MAST4: variants seen among roughly 807,000 people sequenced by gnomAD.
MAST4 encodes the protein microtubule associated serine/threonine kinase family member 4, also known as microtubule-associated serine/threonine-protein kinase 4.
In MAST4, 89 loss-of-function variants were observed where a neutral mutation model predicts 162.7. The observed-to-expected ratio is 0.55, with a 90% CI of 0.46 to 0.65. MAST4 has a LOEUF of 0.65. Among genes scored for constraint, MAST4 ranks in the 30% least tolerant of loss-of-function variants. The pLI is 0.00. For synonymous variants in MAST4, 1,479 were observed against 1,361.1 expected (o/e 1.09, Z -1.91); for missense variants, 3,153 against 3,374.0 (o/e 0.93, Z 1.62).
At chr5:66,859,019 CT>C (rs1759890285) in intron 3 of MAST4, among the ~76,000 whole-genome samples, 1 of 151,980 alleles carries the variant, frequency 6.6e-6, no homozygotes, top group Non-Finnish European at 1.5e-5. Flanking sequence ...TCTAAAATCT[CT>C]GAGCTCTTTT....
intron 2 of MAST4, among the ~76,000 whole-genome samples, chr5:66,761,331 A>G (rs978261180): frequency 1.3e-5 from 2 of 152,228 alleles, no homozygotes; most frequent in African/African-American, 4.8e-5. Context: ...CCAAATTAAG[A>G]TAAGTTAAAG....
intron 24 of MAST4, 28 bp downstream of exon 24, chr5:67,149,617 G>T (rs915228437): frequency 1.1e-5 from 17 of 1,602,924 alleles, no homozygotes; most frequent in African/African-American, 2.7e-5. Context: ...GCATGAAATT[G>T]TGTGATTTGT....
In MAST4 at chr5:66,747,941, G is replaced by A. The variant is rs547339885; in HGVS notation, c.364-11768G>A. Among the ~76,000 whole-genome samples the A allele has an allele frequency of 3.3e-4, 50 of 152,332 alleles. No individual in the cohort carries two copies. In the South Asian group the frequency reaches 9.8e-3, roughly 30 times the overall value. ...CTATGAGTTCAGAACTGCTGGTTTA[G>A]AGGGTAAGGTGAAATCTGGACCAAG... On this transcript the variant is annotated intron_variant, in intron 1 of 28. Transcript: ENST00000403625.
chr5:66,886,920 A>G (rs1580769838), intron 3 of MAST4, among the ~76,000 whole-genome samples: 1 of 151,992 alleles, frequency 6.6e-6, no homozygotes, highest in East Asian at 1.9e-4. Flanking sequence ...AGTCTTTCTG[A>G]TCCCAAAAAA....
intron 5 of MAST4, among the ~76,000 whole-genome samples, chr5:67,065,206 A>C (rs1410998987): frequency 6.6e-6 from 1 of 152,140 alleles, no homozygotes; most frequent in Non-Finnish European, 1.5e-5. Flanking sequence ...ATCAGTGACC[A>C]CCTAGAAAGT....
intron 3 of MAST4, among the ~76,000 whole-genome samples, chr5:66,838,669 G>A (rs182725371): frequency 1.3e-5 from 2 of 152,314 alleles, no homozygotes; most frequent in East Asian, 3.9e-4. Context: ...TCATGGAGGT[G>A]GAGATATTTC....
chr5:66,681,744 G>A (rs1748341721), intron 1 of MAST4, among the ~76,000 whole-genome samples: 1 of 152,198 alleles, frequency 6.6e-6, no homozygotes, highest in African/African-American at 2.4e-5. Flanking sequence ...CTATGATGGG[G>A]ATAGTGCAGT....
chr5:67,118,782 G>A, intron 13 of MAST4, 33 bp downstream of exon 13: 2 of 1,321,048 alleles, frequency 1.5e-6, no homozygotes, highest in Non-Finnish European at 2.1e-6. Flanking sequence ...TATGATGTTG[G>A]TTTTTCTGTT....
At chr5:66,679,511 A>G (rs1561257038) in intron 1 of MAST4, among the ~76,000 whole-genome samples, 3 of 152,262 alleles carry the variant, frequency 2.0e-5, no homozygotes, top group South Asian at 2.1e-4. Context: ...AGAAGATGGT[A>G]TGTGTATAAA....
chr5:67,053,409 A>G lies in MAST4; in HGVS notation c.675-995A>G, dbSNP rs1248681792. Among the ~76,000 whole-genome samples the G allele has an allele frequency of 2.6e-5, 4 of 152,334 alleles. No individual in the cohort carries two copies. In the East Asian group the frequency reaches 5.8e-4, roughly 22 times the overall value. On this transcript the variant is annotated intron_variant, in intron 4 of 28. Coordinates refer to ENST00000403625, the MANE Select transcript of MAST4 (RefSeq NM_001164664.2). ...TGTCCTGCACTAAGAAGGCATTGCA[A>G]TAAACTCCTAATGGTGGTTGAGGGC... is the stretch of plus-strand genomic sequence containing the variant.
intron 14 of MAST4, 118 bp from the exon 15 acceptor site, chr5:67,130,092 A>T: frequency 1.1e-6 from 1 of 872,000 alleles, no homozygotes; most frequent in Non-Finnish European, 1.8e-6. Context: ...TGTGTGAGCT[A>T]CATTCCACCT....
intron 27 of MAST4, among the ~76,000 whole-genome samples, chr5:67,161,989 T>G (rs1226436880): frequency 1.3e-5 from 2 of 152,188 alleles, no homozygotes; most frequent in Non-Finnish European, 2.9e-5. Context: ...GCTCATTGAG[T>G]ACCAAATCCA....
chr5:66,777,859 C>T (rs1344100574), intron 2 of MAST4, among the ~76,000 whole-genome samples: 2 of 152,142 alleles, frequency 1.3e-5, no homozygotes, highest in Non-Finnish European at 2.9e-5. Context: ...ACAGCTGTTC[C>T]ACATACCCAC....
Position 67,062,268 on chromosome 5 carries a change from C to T in MAST4, c.763+7776C>T, listed in dbSNP as rs578257321. Reference sequence around the variant, plus strand: ...CAAAAATTAGCCGGGCGTGGTGGCACATACCTGTAGTCCCAGCTACTCAGG... The same window carrying T: ...CAAAAATTAGCCGGGCGTGGTGGCATATACCTGTAGTCCCAGCTACTCAGG... On this transcript the variant is annotated intron_variant, in intron 5 of 28. Coordinates refer to ENST00000403625, the MANE Select transcript of MAST4 (RefSeq NM_001164664.2). 6.6e-5 allele frequency among the ~76,000 whole-genome samples: 10 copies of T among 152,178 alleles called. No individual in the cohort carries two copies. The South Asian group carries it at 2.1e-3, about 32-fold the overall frequency.
intron 1 of MAST4, among the ~76,000 whole-genome samples, chr5:66,628,561 G>A (rs1744596968): frequency 6.6e-6 from 1 of 151,990 alleles, no homozygotes; most frequent in Admixed American, 6.6e-5. Flanking sequence ...TCAGGAAATT[G>A]GAGCAAAGGA....
At chr5:66,994,676 T>G (rs1750430557) in intron 4 of MAST4, among the ~76,000 whole-genome samples, 1 of 152,240 alleles carries the variant, frequency 6.6e-6, no homozygotes, top group Admixed American at 6.5e-5. Flanking sequence ...GTCTTTACCT[T>G]TCAGTACTCT....
intron 1 of MAST4, among the ~76,000 whole-genome samples, chr5:66,706,608 A>ATTTTTTTT (rs11294899): frequency 1.3e-5 from 2 of 149,184 alleles, no homozygotes; most frequent in Non-Finnish European, 1.5e-5. Flanking sequence ...AGAAATAGTA[A>ATTTTTTTT]TTTTTTTTTT....
At chr5:66,820,898 A>T (rs1303580172) in intron 3 of MAST4, among the ~76,000 whole-genome samples, 1 of 152,224 alleles carries the variant, frequency 6.6e-6, no homozygotes, top group Non-Finnish European at 1.5e-5. Context: ...AAAAAAAAAG[A>T]TGATGCAAAC....
rs1768817497 is a variant in MAST4 at position 67,130,421 on chromosome 5, A to T, written c.1954+3A>T. Reference sequence around the variant, plus strand: ...CATGGTCATGGAATATGTGGAAGGTATCTGACACGGAAAACATGACACCTG... The same window carrying T: ...CATGGTCATGGAATATGTGGAAGGTTTCTGACACGGAAAACATGACACCTG... On this transcript the variant is annotated splice_donor_region_variant and intron_variant, in intron 15 of 28. Coordinates refer to ENST00000403625, the MANE Select transcript of MAST4 (RefSeq NM_001164664.2). The T allele has an allele frequency of 6.2e-7, 1 of 1,613,324 alleles. No individual in the cohort carries two copies. Among genetic ancestry groups the T allele is most frequent in the Non-Finnish European group, 8.5e-7 (1 of 1,179,540 alleles).
Sources: gnomAD v4.1 joint callset for allele counts (sites outside exome capture counted in the v4.1 genomes callset) on GRCh38, gnomAD v4.1.1 for gene constraint, MANE v1.5 for transcripts, NCBI Gene and HGNC (gene_info 2026-07-23, HGNC 2026-07-21) for gene names.